The following MED12 variants were observed in gnomAD, a reference collection of about 807,000 sequenced individuals.
The protein encoded by MED12 is mediator of RNA polymerase II transcription subunit 12.
In MED12, 10 loss-of-function variants were observed where a neutral mutation model predicts 177.7. The ratio of observed to expected loss-of-function variants is 0.06; its 90% CI spans 0.03 to 0.10. The LOEUF (loss-of-function observed/expected upper bound fraction) is 0.10, where lower values mean the gene tolerates loss of function less well. Ranked by LOEUF, MED12 falls within the 10% of genes least tolerant of loss-of-function variation. MED12 has a pLI of 1.00. For missense variants in MED12, 867 were observed against 1,780.8 expected, an observed-to-expected ratio of 0.49 and a Z score of 9.23; for synonymous variants, 641 against 678.4, an observed-to-expected ratio of 0.94 and a Z score of 0.86.
chrX:71,125,026 G>C lies in MED12; in HGVS notation c.2106G>C (p.Glu702Asp). The change falls in exon 15 of 45, where the codon GAG becomes GAC. Residue 702 changes from glutamate to aspartate, a missense_variant. This residue lies in a region of MED12 where 309 missense variants were observed against 556.3 expected (regional missense o/e 0.56). Coordinates refer to ENST00000374080, the MANE Select transcript of MED12 (RefSeq NM_005120.3). ...PCEGKGSPSP[E>D]KPDVEKEVKP... ...AGGGGAAGGGCAGTCCATCCCCTGA[G>C]AAGCCAGATGTCGAGAAGGAGGTGA... is the stretch of plus-strand genomic sequence containing the variant. 8.3e-7 allele frequency: 1 copy of C among 1,211,006 alleles called. No homozygotes were observed. Among genetic ancestry groups the C allele is most frequent in the Non-Finnish European group, 1.1e-6 (1 of 895,302 alleles).
chrX:71,125,217 G>T (rs1249774072), intron 15 of MED12, 71 bp downstream of exon 15: 1 of 1,190,126 alleles, frequency 8.4e-7, no homozygotes, highest in African/African-American at 1.8e-5. Context: ...TTGCTGAGGG[G>T]TTGGAGCTGT....
chrX:71,127,459 G>C lies in MED12; in HGVS notation c.2973G>C (p.Glu991Asp). 1 of 1,206,612 alleles carries C rather than the reference G, an allele frequency of 8.3e-7. No homozygotes were observed. Among genetic ancestry groups the C allele is most frequent in the Non-Finnish European group, 1.1e-6 (1 of 893,066 alleles). ...GCCATTTAAAGAACAAATTTGGGGAGCTCTTCAGGTAAGAGAGGTGGAAGG... is the reference window on the plus strand; with the variant it reads ...GCCATTTAAAGAACAAATTTGGGGACCTCTTCAGGTAAGAGAGGTGGAAGG... The part of the protein sequence containing the change: ...SCSHLKNKFG[E>D]LFSDFCSKVK... The change falls in exon 21 of 45, where the codon GAG becomes GAC. Residue 991 changes from glutamate to aspartate, a missense_variant. Physicochemically the swap from Glu to Asp is conservative, Grantham distance 45 (BLOSUM62 2). Coordinates refer to ENST00000374080, the MANE Select transcript of MED12 (RefSeq NM_005120.3).
chrX:71,120,989 C>G lies in MED12; in HGVS notation c.572C>G (p.Thr191Ser). The G allele has an allele frequency of 8.3e-7, 1 of 1,211,534 alleles. No individual in the cohort carries two copies. The highest frequency in any genetic ancestry group is 1.1e-6 in the Non-Finnish European group (1 of 895,322). ...DPFMEWTQII[T>S]KYLWEQLQKM... ...CCTCCAGAATGGACTCAGATCATCA[C>G]CAAGTACTTATGGGAGCAGTTACAG... The change falls in exon 5 of 45, where the codon ACC becomes AGC. Residue 191 changes from threonine to serine, a missense_variant. Thr to Ser is a moderately conservative substitution (Grantham distance 58). Transcript: ENST00000374080.
intron 29 of MED12, 41 bp from the exon 30 acceptor site, chrX:71,132,032 G>GCTAC (rs1159606643): frequency 9.3e-6 from 11 of 1,181,477 alleles, no homozygotes; most frequent in Non-Finnish European, 1.3e-5. Context: ...TTCACCCTTA[G>GCTAC]CTACCTATTT....
Position 71,137,704 on chromosome X carries a change from CCT to C in MED12, c.5827-16_5827-15del, listed in dbSNP as rs1170326099. On this transcript the variant is annotated intron_variant, in intron 40 of 44. Coordinates refer to ENST00000374080, the MANE Select transcript of MED12 (RefSeq NM_005120.3). ...CTCTGCATACTCTCGGCCCTGATTC[CCT>C]CTCTCCTTCTTCCCTCCAGGGCTAT... 1 of 1,206,229 alleles carries C rather than the reference CCT, an allele frequency of 8.3e-7. No individual in the cohort carries two copies. Among genetic ancestry groups the C allele is most frequent in the Non-Finnish European group, 1.1e-6 (1 of 891,021 alleles).
intron 21 of MED12, 130 bp from the exon 22 acceptor site, chrX:71,127,763 T>C: frequency 1.8e-6 from 1 of 554,664 alleles, no homozygotes. Context: ...TTGTCCCATC[T>C]CCCTTTTCTT....
In MED12 at chrX:71,132,471, G is replaced by C; in HGVS notation, c.4348G>C (p.Glu1450Gln). ...QGHVLKAAGE[E>Q]LEKGQHLGSS... The stretch of plus-strand genomic sequence containing the variant: ...ACATGTGTTAAAGGCTGCTGGGGAA[G>C]AATTGGAGAAGGGTCAGCACCTGGG... Residue 1450 changes from glutamate to glutamine, a missense_variant, in exon 31 of 45, where the codon GAA becomes CAA. Glu to Gln is a conservative substitution (Grantham distance 29). Coordinates refer to ENST00000374080, the MANE Select transcript of MED12 (RefSeq NM_005120.3). The C allele has an allele frequency of 8.3e-7, 1 of 1,209,439 alleles. No individual in the cohort carries two copies. The highest frequency in any genetic ancestry group is 1.1e-6 in the Non-Finnish European group (1 of 894,351).
chrX:71,132,810 C>CTTCTCTTCT (rs1169479318), intron 31 of MED12, 35 bp from the exon 32 acceptor site: 1 of 673,469 alleles, frequency 1.5e-6, no homozygotes, highest in South Asian at 2.6e-5. Context: ...CTTCTCTTCT[C>CTTCTCTTCT]TTCTCTTCTC....
rs930154299 is a variant in MED12, at chrX:71,119,354, C to T, written c.100-19C>T. The T allele has an allele frequency of 1.9e-5, 22 of 1,152,028 alleles. No individual in the cohort carries two copies. The highest frequency in any genetic ancestry group is 3.1e-5 in the East Asian group (1 of 32,479). The allele number at this position is 1,152,028 out of a possible 1,213,427, so 94.9% of individuals were successfully genotyped here. A position where few individuals can be genotyped will look rare whatever the true frequency, so the allele number is the denominator to read the frequency against. On this transcript the variant is annotated intron_variant, in intron 1 of 44. Transcript: ENST00000374080. ...TTCCCCTAAGGAAAAAACAACTAAA[C>T]GCCGCTTTCCTGCCTCAGGATGAAC...
At chrX:71,131,967 T>C (rs910276857) in intron 29 of MED12, 106 bp from the exon 30 acceptor site, 2 of 738,932 alleles carry the variant, frequency 2.7e-6, no homozygotes, top group African/African-American at 4.2e-5. Flanking sequence ...CCCATCAATC[T>C]CCGCCAGTGT....
Position 71,136,421 on chromosome X carries a change from G to C in MED12, c.5166G>C (p.Arg1722=). 8.3e-7 allele frequency: 1 copy of C among 1,210,743 alleles called. No homozygotes were observed. The highest frequency in any genetic ancestry group is 1.1e-6 in the Non-Finnish European group (1 of 895,193). Residue 1722 remains arginine, a synonymous_variant, in exon 37 of 45, where the codon CGG becomes CGC. Coordinates refer to ENST00000374080, the MANE Select transcript of MED12 (RefSeq NM_005120.3). ...RRVARGEEQQ[R]LLLYHTHLRP... ...TGGCTCGAGGAGAGGAGCAGCAGCG[G>C]TTGCTGCTCTACCACACACACCTGA...
intron 17 of MED12, 146 bp downstream of exon 17, chrX:71,125,859 CCCCCATCCCTTCCTT>C: frequency 3.3e-6 from 2 of 610,657 alleles, no homozygotes; most frequent in Non-Finnish European, 5.5e-6. Flanking sequence ...CTTCATTCCT[CCCCCATCCCTTCCTT>C]GACCCTCCCT....
At chrX:71,119,222 C>T (rs1347087363) in intron 1 of MED12, 151 bp from the exon 2 acceptor site, 11 of 501,164 alleles carry the variant, frequency 2.2e-5, no homozygotes, top group South Asian at 8.3e-5. Context: ...TCCAAGTGAA[C>T]GTAAGGGCCC....
At chrX:71,123,762 C>G (rs1312354829) in intron 12 of MED12, 42 bp downstream of exon 12, 1 of 1,145,209 alleles carries the variant, frequency 8.7e-7, no homozygotes. Flanking sequence ...TGCCTAGACT[C>G]AGTTACCCAC....
chrX:71,142,077 C>T (rs1602307967), intron 44 of MED12, 98 bp from the exon 45 acceptor site: 1 of 1,103,989 alleles, frequency 9.1e-7, no homozygotes, highest in East Asian at 3.0e-5. Flanking sequence ...GGAGGCATTC[C>T]ATTCCATCCC....
In MED12 at chrX:71,123,659, C is replaced by G. The variant is rs754247833; in HGVS notation, c.1683C>G (p.Pro561=). 2.5e-6 allele frequency: 3 copies of G among 1,208,859 alleles called. No homozygotes were observed. Among genetic ancestry groups the G allele is most frequent in the African/African-American group, 1.7e-5 (1 of 57,760 alleles). ...GSIASGSLSA[P]SAPIFQDVLL... ...TCGCCTCTGGCTCCCTTTCTGCTCC[C>G]AGTGCTCCCATTTTCCAGGATGTCC... The change falls in exon 12 of 45, where the codon CCC becomes CCG. Residue 561 remains proline (P), a synonymous_variant. Coordinates refer to ENST00000374080, the MANE Select transcript of MED12 (RefSeq NM_005120.3).
Position 71,141,227 on chromosome X carries a change from TAGC to T in MED12, c.6276_6278del (p.Gln2115del), listed in dbSNP as rs748394417. 5.2e-6 allele frequency: 6 copies of T among 1,152,770 alleles called. No individual in the cohort carries two copies. The highest frequency in any genetic ancestry group is 6.9e-6 in the Non-Finnish European group (6 of 866,471). ...TTCTGAAGTATCTTTTGTGTTCTTA[TAGC>T]AGCAGCAGCAACAGCAACAGCAGCA... On this transcript the variant is annotated splice_acceptor_variant and coding_sequence_variant, in exon 43 of 45. Transcript: ENST00000374080. LOFTEE classifies it high-confidence loss of function.
chrX:71,125,636 T>A (rs754855482), intron 16 of MED12, 27 bp from the exon 17 acceptor site: 1 of 1,174,416 alleles, frequency 8.5e-7, no homozygotes, highest in Non-Finnish European at 1.2e-6. Context: ...CTTTTGAAAC[T>A]TCCCCCCTCA....
In MED12 at chrX:71,122,734, T is replaced by A; in HGVS notation, c.1349-4T>A. On this transcript the variant is annotated splice_region_variant and splice_polypyrimidine_tract_variant and intron_variant, in intron 9 of 44. Transcript: ENST00000374080. Reference sequence around the variant, plus strand: ...CAGTCCCCTTTACCACTTTTCCTCCTTAGGCTTCACCATTGGACGGGTACT... The same window carrying A: ...CAGTCCCCTTTACCACTTTTCCTCCATAGGCTTCACCATTGGACGGGTACT... 8.3e-7 allele frequency: 1 copy of A among 1,211,881 alleles called. No individual in the cohort carries two copies. The highest frequency in any genetic ancestry group is 1.1e-6 in the Non-Finnish European group (1 of 895,518).
Sources: allele counts gnomAD v4.1 joint callset, GRCh38; gene constraint gnomAD v4.1.1; regional missense constraint gnomAD v4.1.1; transcripts MANE v1.5; gene names NCBI Gene and HGNC (gene_info 2026-07-23, HGNC 2026-07-21).